The following NFIA variants were observed in gnomAD, a reference collection of about 807,000 sequenced individuals.
NFIA encodes nuclear factor I A.
NFIA carries 8 observed loss-of-function variants against 62.8 expected under a neutral mutation model. The ratio of observed to expected loss-of-function variants is 0.13; its 90% CI spans 0.07 to 0.23. The LOEUF (loss-of-function observed/expected upper bound fraction) is 0.23, where lower values mean the gene tolerates loss of function less well. Among genes scored for constraint, NFIA ranks in the 10% least tolerant of loss-of-function variants. NFIA has a pLI of 1.00. For missense variants in NFIA, 410 were observed against 642.1 expected, an observed-to-expected ratio of 0.64 and a Z score of 3.91; for synonymous variants, 235 against 238.1, an observed-to-expected ratio of 0.99 and a Z score of 0.12.
chr1:61,334,590 T>C (rs1475909477), intron 4 of NFIA, among the ~76,000 whole-genome samples: 1 of 115,652 alleles, frequency 8.6e-6, no homozygotes, highest in Non-Finnish European at 1.7e-5. Flanking sequence ...TATATATATA[T>C]ATATATATAT....
intron 2 of NFIA, among the ~76,000 whole-genome samples, chr1:61,094,585 G>T (rs1444147584): frequency 6.6e-6 from 1 of 152,158 alleles, no homozygotes; most frequent in African/African-American, 2.4e-5. Flanking sequence ...CCATGGAGAT[G>T]TTTATTCTTT....
chr1:61,406,046 G>A (rs112221447), intron 8 of NFIA, among the ~76,000 whole-genome samples: 1,598 of 152,208 alleles, frequency 0.01, 21 homozygotes, highest in African/African-American at 0.037. Context: ...CAACTTTGAA[G>A]AGTGAAAATA....
chr1:61,290,114 A>G (rs1045904267), intron 3 of NFIA, among the ~76,000 whole-genome samples: 2 of 146,864 alleles, frequency 1.4e-5, no homozygotes, highest in Non-Finnish European at 3.0e-5. Flanking sequence ...CTCAAGTATT[A>G]TGAGTATATG....
chr1:61,261,110 T>G (rs1271178542), intron 2 of NFIA, among the ~76,000 whole-genome samples: 2 of 152,200 alleles, frequency 1.3e-5, no homozygotes, highest in African/African-American at 4.8e-5. Flanking sequence ...CCCATTTTAT[T>G]TAGTGGCCTT....
At chr1:61,295,763 G>A (rs1410832863) in intron 3 of NFIA, among the ~76,000 whole-genome samples, 1 of 152,164 alleles carries the variant, frequency 6.6e-6, no homozygotes, top group East Asian at 1.9e-4. Context: ...ATGATATGAT[G>A]TATCTGAAAG....
chr1:61,176,410 T>C (rs1042184852), intron 2 of NFIA, among the ~76,000 whole-genome samples: 2 of 152,236 alleles, frequency 1.3e-5, no homozygotes, highest in East Asian at 3.8e-4. Flanking sequence ...AACTAAGTCC[T>C]ACCAGGTTCC....
intron 3 of NFIA, among the ~76,000 whole-genome samples, chr1:61,326,672 T>TA (rs1433252261): frequency 1.3e-5 from 2 of 151,956 alleles, no homozygotes; most frequent in Non-Finnish European, 2.9e-5. Context: ...AGGTGAGAAA[T>TA]ATAGAGTATA....
chr1:61,246,076 C>T (rs544325550), intron 2 of NFIA, among the ~76,000 whole-genome samples: 1 of 152,138 alleles, frequency 6.6e-6, no homozygotes, highest in Non-Finnish European at 1.5e-5. Context: ...CTAGTGGCTG[C>T]TTTATGTGTC....
intron 3 of NFIA, among the ~76,000 whole-genome samples, chr1:61,278,766 T>G (rs1407449118): frequency 6.6e-6 from 1 of 151,684 alleles, no homozygotes; most frequent in Non-Finnish European, 1.5e-5. Flanking sequence ...ACTCTAGCTC[T>G]GGGCAACAGA....
intron 7 of NFIA, 141 bp downstream of exon 7, chr1:61,383,506 T>G (rs940339898): frequency 8.9e-7 from 1 of 1,128,376 alleles, no homozygotes; most frequent in Middle Eastern, 3.2e-4. Flanking sequence ...GGGGGCAGCC[T>G]TGGAATTTTA....
intron 6 of NFIA, among the ~76,000 whole-genome samples, chr1:61,380,807 A>G (rs1302912102): frequency 1.3e-5 from 2 of 152,084 alleles, no homozygotes; most frequent in African/African-American, 2.4e-5. Context: ...TGCTGACGGT[A>G]TTTCTTCCGT....
At chr1:61,247,599 G>A (rs1294592183) in intron 2 of NFIA, among the ~76,000 whole-genome samples, 1 of 152,178 alleles carries the variant, frequency 6.6e-6, no homozygotes, top group Non-Finnish European at 1.5e-5. Context: ...ATGGGTGGGG[G>A]AAGAAAGTAG....
chr1:61,358,379 C>CTTTTTTTTTTTTTTTTTTTTTT (rs34853369), intron 5 of NFIA, among the ~76,000 whole-genome samples: 11 of 52,606 alleles, frequency 2.1e-4, no homozygotes, highest in Admixed American at 3.0e-4. Context: ...TTCTTTCTTT[C>CTTTTTTTTTTTTTTTTTTTTTT]TTTTTTTTTT....
At chr1:61,376,521 G>C (rs1354456223) in intron 6 of NFIA, among the ~76,000 whole-genome samples, 2 of 152,164 alleles carry the variant, frequency 1.3e-5, no homozygotes, top group Non-Finnish European at 2.9e-5. Context: ...TTCAGTGTGT[G>C]TTTGATAAAA....
At chr1:61,307,424 A>G (rs1451797181) in intron 3 of NFIA, among the ~76,000 whole-genome samples, 1 of 152,154 alleles carries the variant, frequency 6.6e-6, no homozygotes, top group Non-Finnish European at 1.5e-5. Context: ...CAGAAGTGTG[A>G]GAAATAGATT....
intron 2 of NFIA, among the ~76,000 whole-genome samples, chr1:61,118,199 A>G (rs1646825342): frequency 6.6e-6 from 1 of 151,770 alleles, no homozygotes; most frequent in African/African-American, 2.4e-5. Context: ...AACAAAAAAA[A>G]AAAAAAGAAA....
chr1:61,077,508 G>A (rs1031353742), upstream of NFIA: 2 of 915,482 alleles, frequency 2.2e-6, no homozygotes, highest in Non-Finnish European at 3.0e-6. Flanking sequence ...ATCTCTTCCG[G>A]GTTTTCAACG....
At chr1:61,438,992 C>T (rs999088571) in intron 10 of NFIA, among the ~76,000 whole-genome samples, 2 of 123,702 alleles carry the variant, frequency 1.6e-5, no homozygotes, top group Admixed American at 1.9e-4. Context: ...TCCTAACATG[C>T]ATGCAGACAC....
At chr1:61,144,380 C>CT (rs1308273643) in intron 2 of NFIA, among the ~76,000 whole-genome samples, 1 of 152,186 alleles carries the variant, frequency 6.6e-6, no homozygotes, top group Admixed American at 6.5e-5. Context: ...CTCTGGAGAA[C>CT]TTTGTCTCCT....
Sources: gnomAD v4.1 joint callset for allele counts (sites outside exome capture counted in the v4.1 genomes callset) on GRCh38, gnomAD v4.1.1 for gene constraint, MANE v1.5 for transcripts, NCBI Gene and HGNC (gene_info 2026-07-23, HGNC 2026-07-21) for gene names.